The following MYO3B variants were observed in gnomAD, a reference collection of about 807,000 sequenced individuals.
MYO3B encodes the protein myosin IIIB.
Under a neutral mutation model 174.6 loss-of-function variants are expected in MYO3B, and 156 were observed. The observed-to-expected ratio is 0.89, with a 90% CI of 0.78 to 1.02. The LOEUF is 1.02. Among genes scored for constraint, MYO3B ranks in the 50% least tolerant of loss-of-function variants. The pLI is 0.00. For missense variants in MYO3B, 1,632 were observed against 1,639.4 expected, an observed-to-expected ratio of 1.00 and a Z score of 0.08; for synonymous variants, 563 against 569.1, an observed-to-expected ratio of 0.99 and a Z score of 0.15.
chr2:170,255,264 C>T (rs1364529), intron 7 of MYO3B, among the ~76,000 whole-genome samples: 62,198 of 151,940 alleles, frequency 0.41, 13,211 homozygotes, highest in East Asian at 0.67. Context: ...AACACAGGTG[C>T]AATGTCAGTC....
intron 16 of MYO3B, among the ~76,000 whole-genome samples, chr2:170,394,333 G>A (rs1335883738): frequency 1.3e-5 from 2 of 152,142 alleles, no homozygotes; most frequent in African/African-American, 4.8e-5. Context: ...TCTAATAATA[G>A]CAATGTACTG....
intron 7 of MYO3B, among the ~76,000 whole-genome samples, chr2:170,253,462 A>G (rs1024031979): frequency 6.6e-6 from 1 of 152,164 alleles, no homozygotes; most frequent in Admixed American, 6.5e-5. Flanking sequence ...TTGAGATGCA[A>G]ATTTATCATC....
chr2:170,477,280 C>T (rs1685376330), intron 25 of MYO3B, among the ~76,000 whole-genome samples: 1 of 152,104 alleles, frequency 6.6e-6, no homozygotes, highest in South Asian at 2.1e-4. Context: ...AGTCCAGGCA[C>T]CTTCTCTATG....
At chr2:170,352,152 C>A (rs150205379) in intron 8 of MYO3B, among the ~76,000 whole-genome samples, 1 of 152,074 alleles carries the variant, frequency 6.6e-6, no homozygotes, top group Non-Finnish European at 1.5e-5. Context: ...GGGGTTTCAC[C>A]GTGTTGGCCA....
chr2:170,427,038 T>C (rs1340059300), intron 22 of MYO3B, among the ~76,000 whole-genome samples: 1 of 151,320 alleles, frequency 6.6e-6, no homozygotes, highest in Non-Finnish European at 1.5e-5. Flanking sequence ...AGAAAAGAAA[T>C]AGATACTTAG....
intron 12 of MYO3B, 96 bp from the exon 13 acceptor site, chr2:170,386,093 G>A: frequency 1.0e-6 from 1 of 957,822 alleles, no homozygotes; most frequent in South Asian, 1.5e-5. Context: ...ATCTCTCAGT[G>A]AAAAATTAAG....
At chr2:170,605,399 C>G (rs1226368892) in intron 32 of MYO3B, among the ~76,000 whole-genome samples, 2 of 152,166 alleles carry the variant, frequency 1.3e-5, no homozygotes, top group Non-Finnish European at 2.9e-5. Context: ...ATGTCCAGCC[C>G]AGATTGTTTC....
At position 170,630,741 on chromosome 2, in the gene MYO3B, C is replaced by T. The variant is rs149261510; in HGVS notation, c.3734-20887C>T. 3.1e-3 allele frequency among the ~76,000 whole-genome samples: 472 copies of T among 152,322 alleles called. 19 individuals carry two copies. In the East Asian group the frequency reaches 0.072, roughly 23 times the overall value. Reference sequence around the variant, plus strand: ...GCAACATTTGCTGTTCTGCAGCCTCCGCTGCTTATACCCAGGCAAACAGGG... The same window carrying T: ...GCAACATTTGCTGTTCTGCAGCCTCTGCTGCTTATACCCAGGCAAACAGGG... On this transcript the variant is annotated intron_variant, in intron 32 of 34. Transcript: ENST00000408978.
At chr2:170,267,706 C>T (rs1461406630) in intron 7 of MYO3B, among the ~76,000 whole-genome samples, 1 of 152,116 alleles carries the variant, frequency 6.6e-6, no homozygotes, top group Non-Finnish European at 1.5e-5. Flanking sequence ...AAACTTTCTT[C>T]CTCTTGATAT....
intron 7 of MYO3B, among the ~76,000 whole-genome samples, chr2:170,311,964 C>A (rs146025635): frequency 3.3e-5 from 5 of 152,282 alleles, no homozygotes; most frequent in East Asian, 3.9e-4. Context: ...CTGTACGTCG[C>A]TTCTTATGCC....
intron 32 of MYO3B, among the ~76,000 whole-genome samples, chr2:170,648,688 TTC>T: frequency 7.5e-6 from 1 of 133,506 alleles, no homozygotes; most frequent in African/African-American, 2.9e-5. Context: ...ATATATTATA[TTC>T]TATATAATAT....
intron 23 of MYO3B, among the ~76,000 whole-genome samples, chr2:170,462,601 A>G (rs1684360095): frequency 1.3e-5 from 2 of 152,312 alleles, no homozygotes; most frequent in South Asian, 4.2e-4. Context: ...CATCTCAAAC[A>G]TTTCTGCTTT....
rs187994183 is a variant in MYO3B at position 170,654,308 on chromosome 2, T to C, written c.*1187T>C. 101 of 152,256 alleles carry C rather than the reference T, an allele frequency of 6.6e-4. No homozygotes were observed. Among genetic ancestry groups the C allele is most frequent in the African/African-American group, 2.2e-3 (90 of 41,544 alleles). 9.4% of individuals were successfully genotyped at this position (152,256 alleles called of 1,614,324 possible). A position where few individuals can be genotyped will look rare whatever the true frequency, so the allele number is the denominator to read the frequency against. On this transcript the variant is annotated 3_prime_UTR_variant, in exon 35 of 35. Coordinates refer to ENST00000408978, the MANE Select transcript of MYO3B (RefSeq NM_138995.5). ...GACCATTTCTCTAGAACAGATGTTCTTAATATTTTTCTTACTCTAAAATAT... is the reference window on the plus strand; with the variant it reads ...GACCATTTCTCTAGAACAGATGTTCCTAATATTTTTCTTACTCTAAAATAT...
intron 7 of MYO3B, among the ~76,000 whole-genome samples, chr2:170,277,885 T>C (rs1324491991): frequency 4.6e-5 from 7 of 152,230 alleles, no homozygotes; most frequent in African/African-American, 1.7e-4. Flanking sequence ...GGGATATGTA[T>C]TTTAGAAGGA....
intron 9 of MYO3B, among the ~76,000 whole-genome samples, chr2:170,370,404 T>C (rs1362952293): frequency 6.6e-6 from 1 of 152,178 alleles, no homozygotes; most frequent in African/African-American, 2.4e-5. Flanking sequence ...GGTTCCCTTT[T>C]GGATAGCTCA....
At chr2:170,542,373 T>G (rs1690172322) in intron 30 of MYO3B, among the ~76,000 whole-genome samples, 2 of 152,268 alleles carry the variant, frequency 1.3e-5, no homozygotes, top group South Asian at 4.1e-4. Flanking sequence ...TTTAAGCTTC[T>G]TGGTCAAATT....
intron 7 of MYO3B, among the ~76,000 whole-genome samples, chr2:170,322,327 C>A (rs986633078): frequency 1.3e-5 from 2 of 152,144 alleles, no homozygotes; most frequent in Non-Finnish European, 1.5e-5. Flanking sequence ...TGTCCAAAGC[C>A]CTTTTAAAGA....
At chr2:170,278,024 A>T (rs2093476176) in intron 7 of MYO3B, among the ~76,000 whole-genome samples, 1 of 152,208 alleles carries the variant, frequency 6.6e-6, no homozygotes, top group African/African-American at 2.4e-5. Flanking sequence ...TTGCTGTAAT[A>T]TTCAAAATCC....
chr2:170,526,142 T>G (rs1440901293), intron 30 of MYO3B, among the ~76,000 whole-genome samples: 2 of 152,188 alleles, frequency 1.3e-5, no homozygotes, highest in Non-Finnish European at 2.9e-5. Flanking sequence ...GAATCCTAGT[T>G]GAATTACTTA....
Sources: gnomAD v4.1 joint callset for allele counts (sites outside exome capture counted in the v4.1 genomes callset) on GRCh38, gnomAD v4.1.1 for gene constraint, MANE v1.5 for transcripts, NCBI Gene and HGNC (gene_info 2026-07-23, HGNC 2026-07-21) for gene names.